LRRK1: variants seen among roughly 807,000 people sequenced by gnomAD.
LRRK1 encodes leucine-rich repeat serine/threonine-protein kinase 1.
A neutral mutation model predicts 209.1 loss-of-function variants in LRRK1; 113 were observed. The ratio of observed to expected loss-of-function variants is 0.54; its 90% CI spans 0.46 to 0.63. The LOEUF is 0.63. LRRK1 is among the 30% of genes least tolerant of loss of function. LRRK1 has a pLI of 0.00. For missense variants in LRRK1, 2,284 were observed against 2,632.2 expected (o/e 0.87, Z 2.89); for synonymous variants, 1,144 against 1,099.7 (o/e 1.04, Z -0.80).
intron 2 of LRRK1, among the ~76,000 whole-genome samples, chr15:100,962,482 A>G (rs946280776): frequency 3.3e-5 from 5 of 152,060 alleles, no homozygotes; most frequent in African/African-American, 1.2e-4. Context: ...GTGAGCTGAG[A>G]TCACAGCACT....
At chr15:100,972,938 C>CACACACACACACA (rs1555462750) in intron 2 of LRRK1, among the ~76,000 whole-genome samples, 18 of 57,182 alleles carry the variant, frequency 3.1e-4, no homozygotes, top group African/African-American at 1.1e-3. Flanking sequence ...ACACACACAC[C>CACACACACACACA]CAGTTTTGTG....
At chr15:101,025,169 C>G (rs917365940) in intron 16 of LRRK1, among the ~76,000 whole-genome samples, 1 of 152,194 alleles carries the variant, frequency 6.6e-6, no homozygotes, top group Non-Finnish European at 1.5e-5. Context: ...AATTTCCCCG[C>G]TTCCCTTAAA....
At chr15:101,060,785 C>A (rs59945657) in intron 29 of LRRK1, among the ~76,000 whole-genome samples, 1 of 151,946 alleles carries the variant, frequency 6.6e-6, no homozygotes, top group Non-Finnish European at 1.5e-5. Flanking sequence ...TGCCCCCCCG[C>A]CCCAACCCAA....
chr15:100,976,389 T>C (rs2412003), intron 3 of LRRK1, among the ~76,000 whole-genome samples: 144,077 of 152,290 alleles, frequency 0.95, 68,173 homozygotes, highest in East Asian at 1. Context: ...CACACACACA[T>C]CTGAAAGATA....
intron 29 of LRRK1, among the ~76,000 whole-genome samples, chr15:101,059,570 T>A (rs1024396271): frequency 2.0e-4 from 29 of 148,396 alleles, no homozygotes; most frequent in African/African-American, 6.6e-4. Context: ...GGTTGTGGAG[T>A]CAGTTAATGA....
chr15:100,932,828 T>TGCA (rs887857135), intron 2 of LRRK1, among the ~76,000 whole-genome samples: 1 of 152,344 alleles, frequency 6.6e-6, no homozygotes, highest in African/African-American at 2.4e-5. Flanking sequence ...CCTTCCCTTT[T>TGCA]GCACCCCATC....
intron 1 of LRRK1, among the ~76,000 whole-genome samples, chr15:100,921,136 T>C (rs1261541937): frequency 6.6e-6 from 1 of 152,238 alleles, no homozygotes; most frequent in African/African-American, 2.4e-5. Context: ...ACTGGAGCTC[T>C]TGGGGTCAGA....
At position 101,074,900 on chromosome 15, in the gene LRRK1, G is replaced by A. The variant is rs1308611578; in HGVS notation, c.*6052G>A. The A allele has an allele frequency of 1.3e-5, 2 of 151,600 alleles. No individual in the cohort carries two copies. Among genetic ancestry groups the A allele is most frequent in the East Asian group, 3.9e-4 (2 of 5,146 alleles). 9.4% of individuals were successfully genotyped at this position (151,600 alleles called of 1,614,324 possible). A position where few individuals can be genotyped will look rare whatever the true frequency, so the allele number is the denominator to read the frequency against. ...TGTCCCATCTGTGCGGGACCCCACT[G>A]GAAATCGGACTGTCCAACTCACCTG... On this transcript the variant is annotated 3_prime_UTR_variant, in exon 34 of 34. Transcript: ENST00000388948.
intron 20 of LRRK1, among the ~76,000 whole-genome samples, chr15:101,044,968 A>C (rs2034976786): frequency 6.6e-6 from 1 of 152,214 alleles, no homozygotes; most frequent in African/African-American, 2.4e-5. Flanking sequence ...AAGACCTGAA[A>C]GGCTGAAAAG....
Position 101,058,704 on chromosome 15 carries a change from A to G in LRRK1, c.4679+563A>G, listed in dbSNP as rs573486544. Among the ~76,000 whole-genome samples, 5 of 149,392 alleles carry G rather than the reference A, an allele frequency of 3.3e-5. No individual in the cohort carries two copies. The East Asian group carries it at 9.8e-4, about 29-fold the overall frequency. ...GGGTGTTTTCAAGGGAGTGATACAG[A>G]GATGGACCAAGGAACCTAAGTGAGG... On this transcript the variant is annotated intron_variant, in intron 29 of 33. Coordinates refer to ENST00000388948, the MANE Select transcript of LRRK1 (RefSeq NM_024652.6).
intron 6 of LRRK1, among the ~76,000 whole-genome samples, chr15:100,998,179 CAAAAA>C (rs536380783): frequency 1.1e-5 from 1 of 88,862 alleles, no homozygotes; most frequent in Non-Finnish European, 2.4e-5. Context: ...GACTCTGTCT[CAAAAA>C]AAAAAAAAAA....
chr15:101,014,455 C>A, intron 11 of LRRK1, 27 bp downstream of exon 11: 1 of 1,511,730 alleles, frequency 6.6e-7, no homozygotes, highest in Non-Finnish European at 9.2e-7. Flanking sequence ...CCTCCCTGGC[C>A]AGTTCCAAAG....
At position 101,068,698 on chromosome 15, in the gene LRRK1, A is replaced by T. The variant is rs1273012620; in HGVS notation, c.5898A>T (p.Ala1966=). ...TGCTGGTGGATGCTGCCGTGGTGGC[A>T]AAGGACACTGTTGTGTGCACCTTTG... ...HGVLVDAAVV[A]KDTVVCTFEN... The change falls in exon 34 of 34, where the codon GCA becomes GCT. Residue 1966 remains alanine, a synonymous_variant. Coordinates refer to ENST00000388948, the MANE Select transcript of LRRK1 (RefSeq NM_024652.6). 1.9e-6 allele frequency: 3 copies of T among 1,606,798 alleles called. No homozygotes were observed. The South Asian group carries it at 3.3e-5, about 18-fold the overall frequency.
chr15:101,049,754 T>C lies in LRRK1; in HGVS notation c.3410T>C (p.Val1137Ala), dbSNP rs1401599388. Residue 1137 changes from valine (V) to alanine (A), a missense_variant, in exon 23 of 34, where the codon GTC becomes GCC. By Grantham distance (64) the Val-to-Ala change is moderately conservative (BLOSUM62 0). This residue lies in a region of LRRK1 where 780 missense variants were observed against 985.2 expected (regional missense o/e 0.79). Coordinates refer to ENST00000388948, the MANE Select transcript of LRRK1 (RefSeq NM_024652.6). ...FSAMAFITDH[V>A]NSLIDQWFPA... Reference sequence around the variant, plus strand: ...GCCATGGCTTTCATCACGGACCACGTCAATTCCTTGATTGATCAGTGGTTT... The same window carrying C: ...GCCATGGCTTTCATCACGGACCACGCCAATTCCTTGATTGATCAGTGGTTT... 2.5e-6 allele frequency: 4 copies of C among 1,613,808 alleles called. No homozygotes were observed. The highest frequency in any genetic ancestry group is 3.4e-6 in the Non-Finnish European group (4 of 1,179,888).
chr15:101,021,792 G>A, intron 13 of LRRK1, 53 bp from the exon 14 acceptor site: 3 of 1,056,198 alleles, frequency 2.8e-6, no homozygotes, highest in East Asian at 5.1e-5. Context: ...GTGTGTGTGT[G>A]TGTGTGTGTG....
intron 2 of LRRK1, among the ~76,000 whole-genome samples, chr15:100,934,582 G>A (rs2042261926): frequency 7.3e-6 from 1 of 136,602 alleles, no homozygotes; most frequent in Admixed American, 8.5e-5. Context: ...TTGACTTCAG[G>A]AGTTTGAGAC....
chr15:101,041,334 G>A (rs1475804206), intron 20 of LRRK1, among the ~76,000 whole-genome samples: 1 of 152,118 alleles, frequency 6.6e-6, no homozygotes, highest in African/African-American at 2.4e-5. Flanking sequence ...CCTTTTAATA[G>A]GAATATTTGA....
chr15:100,973,976 G>T lies in LRRK1; in HGVS notation c.261+9G>T, dbSNP rs1596222623. The stretch of plus-strand genomic sequence containing the variant: ...CGTCCCAGCTGGAAAAGGTAGGGGA[G>T]CGCCTGCCCCTGCGGCCACCCATGC... On this transcript the variant is annotated intron_variant, in intron 3 of 33. Coordinates refer to ENST00000388948, the MANE Select transcript of LRRK1 (RefSeq NM_024652.6). 1 of 1,246,708 alleles carries T rather than the reference G, an allele frequency of 8.0e-7. No individual in the cohort carries two copies. The highest frequency in any genetic ancestry group is 1.0e-6 in the Non-Finnish European group (1 of 989,902). The allele number at this position is 1,246,708 out of a possible 1,614,324, so 77.2% of individuals were successfully genotyped here. A position where few individuals can be genotyped will look rare whatever the true frequency, so the allele number is the denominator to read the frequency against.
Position 101,048,604 on chromosome 15 carries a change from G to C in LRRK1, c.3246G>C (p.Gln1082His), listed in dbSNP as rs1018354863. Residue 1082 changes from glutamine (Q) to histidine (H), a missense_variant, in exon 22 of 34, where the codon CAG becomes CAC. By Grantham distance (24) the Gln-to-His change is conservative. Around this residue, in one of 6 missense-constraint regions of LRRK1, gnomAD observed 780 missense variants for 985.2 expected, o/e 0.79. Transcript: ENST00000388948. ...RCSTFRVKRNQTIYWQEGLLV... is the reference protein window; with the variant it reads ...RCSTFRVKRNHTIYWQEGLLV... ...GCACATTCAGAGTGAAAAGAAATCAGACCATCTATTGGCAGGAAGGGCTCC... is the reference window on the plus strand; with the variant it reads ...GCACATTCAGAGTGAAAAGAAATCACACCATCTATTGGCAGGAAGGGCTCC... 6 of 1,565,348 alleles carry C rather than the reference G, an allele frequency of 3.8e-6. No homozygotes were observed. The highest frequency in any genetic ancestry group is 5.2e-6 in the Non-Finnish European group (6 of 1,162,114).
Sources: gnomAD v4.1 joint callset for allele counts (sites outside exome capture counted in the v4.1 genomes callset) on GRCh38, gnomAD v4.1.1 for gene constraint, gnomAD v4.1.1 regional missense constraint, MANE v1.5 for transcripts, NCBI Gene and HGNC (gene_info 2026-07-23, HGNC 2026-07-21) for gene names.